The following THSD4 variants were observed in gnomAD, a reference collection of about 807,000 sequenced individuals.
THSD4 encodes the protein thrombospondin type-1 domain-containing protein 4.
A neutral mutation model predicts 119.0 loss-of-function variants in THSD4; 69 were observed. That is an observed-to-expected ratio of 0.58 (90% CI 0.48 to 0.71). The LOEUF (loss-of-function observed/expected upper bound fraction) is 0.71. Among genes scored for constraint, THSD4 ranks in the 30% least tolerant of loss-of-function variants. The pLI, the probability that THSD4 is intolerant of heterozygous loss-of-function variation, is 0.00. For synonymous variants in THSD4, 524 were observed against 540.4 expected (o/e 0.97, Z 0.42); for missense variants, 1,393 against 1,391.1 (o/e 1.00, Z -0.02).
chr15:71,367,278 C>A (rs1293357547), intron 6 of THSD4, among the ~76,000 whole-genome samples: 1 of 151,858 alleles, frequency 6.6e-6, no homozygotes, highest in African/African-American at 2.4e-5. Context: ...AAACTGATTA[C>A]CACTATGCCA....
intron 1 of THSD4, among the ~76,000 whole-genome samples, chr15:71,127,691 C>G (rs2040467113): frequency 6.6e-6 from 1 of 152,044 alleles, no homozygotes; most frequent in Non-Finnish European, 1.5e-5. Flanking sequence ...TTTTATATAC[C>G]TGTGGGCTGT....
intron 7 of THSD4, among the ~76,000 whole-genome samples, chr15:71,632,253 G>A (rs900523258): frequency 5.9e-5 from 9 of 152,122 alleles, no homozygotes; most frequent in East Asian, 1.9e-4. Flanking sequence ...CTCTGTTGGC[G>A]TTGCCTGAGT....
intron 1 of THSD4, among the ~76,000 whole-genome samples, chr15:71,124,739 C>T (rs1170657704): frequency 6.6e-6 from 1 of 152,140 alleles, no homozygotes; most frequent in South Asian, 2.1e-4. Flanking sequence ...CATTCTATTT[C>T]GTGACTTAAA....
intron 6 of THSD4, among the ~76,000 whole-genome samples, chr15:71,277,128 C>CTTGTTTTTTTTTTTTTT (rs1555459953): frequency 8.1e-6 from 1 of 123,020 alleles, no homozygotes. Context: ...TCTTCTTCTT[C>CTTGTTTTTTTTTTTTTT]TTTTTTTTTT....
At chr15:71,764,047 A>C (rs2053671933) in intron 15 of THSD4, among the ~76,000 whole-genome samples, 1 of 151,998 alleles carries the variant, frequency 6.6e-6, no homozygotes, top group South Asian at 2.1e-4. Flanking sequence ...AGCCTGGGTG[A>C]CAGAGTGAGA....
intron 6 of THSD4, among the ~76,000 whole-genome samples, chr15:71,364,181 C>T (rs1184804316): frequency 6.6e-6 from 1 of 152,060 alleles, no homozygotes; most frequent in African/African-American, 2.4e-5. Context: ...GAGGCTGTTA[C>T]AGAAAAGGCA....
chr15:71,641,636 A>G (rs762211065), intron 7 of THSD4, among the ~76,000 whole-genome samples: 43 of 152,150 alleles, frequency 2.8e-4, no homozygotes, highest in Middle Eastern at 3.2e-3. Flanking sequence ...ACTGTTTGGC[A>G]TCATTTCTAC....
At chr15:71,620,891 C>G (rs1173385607) in intron 7 of THSD4, among the ~76,000 whole-genome samples, 2 of 152,128 alleles carry the variant, frequency 1.3e-5, no homozygotes, top group African/African-American at 4.8e-5. Flanking sequence ...GGCTGGGAGT[C>G]CAACCTATGT....
intron 7 of THSD4, among the ~76,000 whole-genome samples, chr15:71,434,420 G>A (rs1364108470): frequency 1.5e-5 from 2 of 136,840 alleles, no homozygotes; most frequent in East Asian, 4.9e-4. Context: ...AAAACAAAAA[G>A]AGGTCAGTGG....
At chr15:71,596,687 G>A (rs2049912814) in intron 7 of THSD4, among the ~76,000 whole-genome samples, 2 of 152,192 alleles carry the variant, frequency 1.3e-5, no homozygotes, top group Non-Finnish European at 2.9e-5. Flanking sequence ...GCTCAATTGG[G>A]CCAAATTGTT....
rs573208591 is a variant in THSD4 at position 71,747,227 on chromosome 15, T to G, written c.2241+185T>G. Among the ~76,000 whole-genome samples, 10 of 152,080 alleles carry G rather than the reference T, an allele frequency of 6.6e-5. No homozygotes were observed. In the South Asian group the frequency reaches 1.5e-3, roughly 22 times the overall value. Reference sequence around the variant, plus strand: ...ACCAATAGTTCAATAGAGTTCAGGGTAGTGTGTGCCACCCACAGCCAACTT... The same window carrying G: ...ACCAATAGTTCAATAGAGTTCAGGGGAGTGTGTGCCACCCACAGCCAACTT... On this transcript the variant is annotated intron_variant, in intron 13 of 17. Transcript: ENST00000261862.
At chr15:71,478,306 G>A (rs371552460) in intron 7 of THSD4, among the ~76,000 whole-genome samples, 33 of 151,974 alleles carry the variant, frequency 2.2e-4, no homozygotes, top group Admixed American at 1.0e-3. Context: ...TTGTGTCTTC[G>A]TCTACTTATT....
chr15:71,409,836 G>A (rs1468798661), intron 6 of THSD4, among the ~76,000 whole-genome samples: 1 of 151,674 alleles, frequency 6.6e-6, no homozygotes, highest in East Asian at 1.9e-4. Flanking sequence ...TAGACAGCCT[G>A]TTCTAGGCTG....
intron 7 of THSD4, among the ~76,000 whole-genome samples, chr15:71,555,327 G>A (rs772672545): frequency 6.6e-6 from 1 of 152,120 alleles, no homozygotes; most frequent in Non-Finnish European, 1.5e-5. Flanking sequence ...TTATCAGACA[G>A]GTTAATTTTT....
chr15:71,607,207 G>A (rs1273739682), intron 7 of THSD4, among the ~76,000 whole-genome samples: 1 of 152,186 alleles, frequency 6.6e-6, no homozygotes, highest in Non-Finnish European at 1.5e-5. Flanking sequence ...CACAGGAGAG[G>A]TGGAATTTTA....
chr15:71,492,975 C>A (rs1296317960), intron 7 of THSD4, among the ~76,000 whole-genome samples: 1 of 151,880 alleles, frequency 6.6e-6, no homozygotes, highest in Non-Finnish European at 1.5e-5. Context: ...CCTCAAAAAA[C>A]CACTCTACCC....
intron 6 of THSD4, among the ~76,000 whole-genome samples, chr15:71,403,099 T>C (rs2046559313): frequency 6.6e-6 from 1 of 152,180 alleles, no homozygotes; most frequent in Admixed American, 6.5e-5. Context: ...TTTCCTAGTG[T>C]ACAGCTGTCT....
intron 6 of THSD4, among the ~76,000 whole-genome samples, chr15:71,385,571 G>A (rs1304034428): frequency 2.7e-5 from 1 of 36,726 alleles, no homozygotes; most frequent in Non-Finnish European, 5.7e-5. Flanking sequence ...CTCACTTAGA[G>A]CTTGGAGTTC....
chr15:71,214,365 A>C (rs1459537041), intron 3 of THSD4, among the ~76,000 whole-genome samples: 5 of 152,174 alleles, frequency 3.3e-5, no homozygotes, highest in African/African-American at 9.7e-5. Context: ...GCTGTTGCTC[A>C]CTGTTTGAGT....
Sources: allele counts gnomAD v4.1 joint callset (sites outside exome capture counted in the v4.1 genomes callset), GRCh38; gene constraint gnomAD v4.1.1; transcripts MANE v1.5; gene names NCBI Gene and HGNC (gene_info 2026-07-23, HGNC 2026-07-21).